Variants in PPFIBP1 observed in about 807,000 individuals in gnomAD.
PPFIBP1 encodes the protein liprin-beta-1.
In PPFIBP1, 112 loss-of-function variants were observed where a neutral mutation model predicts 137.8. The ratio of observed to expected loss-of-function variants is 0.81; its 90% CI spans 0.70 to 0.95. The LOEUF (loss-of-function observed/expected upper bound fraction) is 0.95. PPFIBP1 is among the 40% of genes least tolerant of loss of function. The probability of loss-of-function intolerance (pLI) is 0.00; values close to 1 mark genes in which losing one functional copy is unlikely to be tolerated. For synonymous variants in PPFIBP1, 378 were observed against 417.3 expected, an observed-to-expected ratio of 0.91 and a Z score of 1.15; for missense variants, 1,083 against 1,196.6, an observed-to-expected ratio of 0.91 and a Z score of 1.40.
At chr12:27,645,918 C>T (rs576051218) in intron 4 of PPFIBP1, 144 bp from the exon 5 acceptor site, 3 of 616,550 alleles carry the variant, frequency 4.9e-6, no homozygotes, top group Admixed American at 2.9e-5. Flanking sequence ...AACCAAATTG[C>T]ATTCTCGTAT....
In PPFIBP1 at chr12:27,639,107, C is replaced by T. The variant is rs114348045; in HGVS notation, c.270+3992C>T. ...GTGATAAAATACCAACACTAGTAGCCTGTTACAGTGAGGGGACATTAAATC... is the reference window on the plus strand; with the variant it reads ...GTGATAAAATACCAACACTAGTAGCTTGTTACAGTGAGGGGACATTAAATC... On this transcript the variant is annotated intron_variant, in intron 4 of 29. Transcript: ENST00000228425. Among the ~76,000 whole-genome samples the T allele has an allele frequency of 5.0e-3, 768 of 152,226 alleles. 7 individuals carry two copies. Among genetic ancestry groups the T allele is most frequent in the African/African-American group, 0.017 (723 of 41,524 alleles).
At chr12:27,591,890 A>G (rs933163753) in intron 2 of PPFIBP1, among the ~76,000 whole-genome samples, 2 of 152,204 alleles carry the variant, frequency 1.3e-5, no homozygotes, top group Non-Finnish European at 2.9e-5. Flanking sequence ...CAGTGACTCA[A>G]TACCTACTGC....
intron 2 of PPFIBP1, among the ~76,000 whole-genome samples, chr12:27,617,051 C>A (rs898755963): frequency 1.3e-5 from 2 of 152,108 alleles, no homozygotes; most frequent in African/African-American, 4.8e-5. Context: ...CAAGAGGCAG[C>A]AAGATGTTTC....
At chr12:27,678,655 C>CA (rs1296358333) in intron 19 of PPFIBP1, among the ~76,000 whole-genome samples, 2 of 151,936 alleles carry the variant, frequency 1.3e-5, no homozygotes, top group Non-Finnish European at 2.9e-5. Context: ...GTCAGGAGTT[C>CA]AAGACCAGCC....
chr12:27,655,738 A>G (rs1411724675), intron 8 of PPFIBP1, among the ~76,000 whole-genome samples: 5 of 152,242 alleles, frequency 3.3e-5, no homozygotes, highest in African/African-American at 1.2e-4. Context: ...AGTCAAAACT[A>G]TAGGGCCAAG....
intron 6 of PPFIBP1, 93 bp from the exon 7 acceptor site, chr12:27,649,917 A>G: frequency 8.6e-7 from 1 of 1,159,790 alleles, no homozygotes; most frequent in South Asian, 1.7e-5. Context: ...CCTCTACTTG[A>G]TAGGTGCTGC....
At chr12:27,649,907 C>A in intron 6 of PPFIBP1, 103 bp from the exon 7 acceptor site, 2 of 1,045,804 alleles carry the variant, frequency 1.9e-6, no homozygotes, top group Non-Finnish European at 2.7e-6. Context: ...TTCACTATAT[C>A]CTCTACTTGA....
chr12:27,532,030 G>A (rs188470271), intron 1 of PPFIBP1, among the ~76,000 whole-genome samples: 83 of 152,318 alleles, frequency 5.4e-4, no homozygotes, highest in African/African-American at 1.4e-3. Context: ...GGGTGGTTAT[G>A]AAGATTACAT....
chr12:27,613,580 G>A (rs746361224), intron 2 of PPFIBP1, among the ~76,000 whole-genome samples: 1 of 151,982 alleles, frequency 6.6e-6, no homozygotes, highest in Non-Finnish European at 1.5e-5. Context: ...GCATGCACCT[G>A]TAATCCCAGC....
chr12:27,558,972 A>G (rs2048936505), intron 1 of PPFIBP1, among the ~76,000 whole-genome samples: 1 of 151,318 alleles, frequency 6.6e-6, no homozygotes, highest in Non-Finnish European at 1.5e-5. Flanking sequence ...ATCCTGTCTC[A>G]GCCTCCCAAC....
At position 27,682,404 on chromosome 12, in the gene PPFIBP1, T is replaced by C. The variant is rs1293175488; in HGVS notation, c.2064T>C (p.His688=). The C allele has an allele frequency of 1.9e-6, 3 of 1,612,396 alleles. No homozygotes were observed. In the South Asian group the frequency reaches 3.3e-5, roughly 18 times the overall value. Residue 688 remains histidine (H), a synonymous_variant, in exon 23 of 30, where the codon CAT becomes CAC. Transcript: ENST00000228425. The part of the protein sequence containing the change: ...QDLEKELGIK[H]SLHRKKLQLA... Reference sequence around the variant, plus strand: ...TGTTTCAGGAACTTGGAATCAAGCATTCACTTCATCGAAAGAAACTCCAGC... The same window carrying C: ...TGTTTCAGGAACTTGGAATCAAGCACTCACTTCATCGAAAGAAACTCCAGC...
At chr12:27,572,999 A>G (rs564758450) in intron 1 of PPFIBP1, among the ~76,000 whole-genome samples, 2 of 152,330 alleles carry the variant, frequency 1.3e-5, no homozygotes, top group African/African-American at 4.8e-5. Context: ...CATAAGAGTT[A>G]CTAGATAGTC....
rs1005712294 is a variant in PPFIBP1 at position 27,694,813 on chromosome 12, G to A, written c.*1931G>A. 3 of 152,156 alleles carry A rather than the reference G, an allele frequency of 2.0e-5. No individual in the cohort carries two copies. The highest frequency in any genetic ancestry group is 4.4e-5 in the Non-Finnish European group (3 of 68,028). 9.4% of individuals were successfully genotyped at this position (152,156 alleles called of 1,614,324 possible). On this transcript the variant is annotated 3_prime_UTR_variant, in exon 30 of 30. Transcript: ENST00000228425. Reference sequence around the variant, plus strand: ...TTCACAAATTGAGGTGGAGGTGGGCGGTTCAGTATCTGCCACTGGACTTGA... The same window carrying A: ...TTCACAAATTGAGGTGGAGGTGGGCAGTTCAGTATCTGCCACTGGACTTGA...
chr12:27,664,516 C>T (rs2059740699), intron 12 of PPFIBP1, 70 bp downstream of exon 12: 1 of 1,074,724 alleles, frequency 9.3e-7, no homozygotes, highest in African/African-American at 1.6e-5. Flanking sequence ...CACATTTGGC[C>T]TCAATTTCTT....
intron 2 of PPFIBP1, among the ~76,000 whole-genome samples, chr12:27,625,620 G>A (rs572322239): frequency 8.7e-5 from 12 of 138,080 alleles, no homozygotes; most frequent in East Asian, 2.1e-4. Flanking sequence ...TTGCTCTGTC[G>A]CCCAGGTTGG....
intron 13 of PPFIBP1, among the ~76,000 whole-genome samples, chr12:27,668,698 G>C (rs540804539): frequency 6.6e-6 from 1 of 152,312 alleles, no homozygotes; most frequent in Admixed American, 6.5e-5. Flanking sequence ...CACATCCACA[G>C]CTATCTTCAC....
chr12:27,644,396 C>T (rs1412651142), intron 4 of PPFIBP1, among the ~76,000 whole-genome samples: 1 of 151,826 alleles, frequency 6.6e-6, no homozygotes. Context: ...TACTTTTTGT[C>T]CTCACTAAAC....
intron 2 of PPFIBP1, among the ~76,000 whole-genome samples, chr12:27,615,633 A>T (rs2055655582): frequency 6.6e-6 from 1 of 152,248 alleles, no homozygotes; most frequent in African/African-American, 2.4e-5. Flanking sequence ...AAAAAGGATT[A>T]CATTTATCTG....
chr12:27,621,993 C>T (rs1405496331), intron 2 of PPFIBP1, among the ~76,000 whole-genome samples: 3 of 152,224 alleles, frequency 2.0e-5, no homozygotes, highest in Admixed American at 1.3e-4. Flanking sequence ...GTGACTGCAA[C>T]TGATGTGAAT....
Sources: allele counts gnomAD v4.1 joint callset (sites outside exome capture counted in the v4.1 genomes callset), GRCh38; gene constraint gnomAD v4.1.1; transcripts MANE v1.5; gene names NCBI Gene and HGNC (gene_info 2026-07-23, HGNC 2026-07-21).